Variants in NTRK2 observed in about 807,000 individuals in gnomAD.
NTRK2 encodes the protein BDNF/NT-3 growth factors receptor.
In NTRK2, 13 loss-of-function variants were observed where a neutral mutation model predicts 94.5. That is an observed-to-expected ratio of 0.14 (90% CI 0.09 to 0.22). The LOEUF (loss-of-function observed/expected upper bound fraction) is 0.22, where lower values mean the gene tolerates loss of function less well. NTRK2 is among the 10% of genes least tolerant of loss of function. NTRK2 has a pLI of 1.00. For missense variants in NTRK2, 639 were observed against 1,071.2 expected, an observed-to-expected ratio of 0.60 and a Z score of 5.63; for synonymous variants, 372 against 407.4, an observed-to-expected ratio of 0.91 and a Z score of 1.05.
intron 12 of NTRK2, among the ~76,000 whole-genome samples, chr9:84,766,973 C>T (rs1249731408): frequency 6.6e-6 from 1 of 152,102 alleles, no homozygotes; most frequent in African/African-American, 2.4e-5. Flanking sequence ...CTGCGGTTCC[C>T]CTGGGTCATA....
intron 12 of NTRK2, among the ~76,000 whole-genome samples, chr9:84,800,577 A>G (rs1027806394): frequency 6.6e-6 from 1 of 152,224 alleles, no homozygotes; most frequent in African/African-American, 2.4e-5. Context: ...ACAATAAAGG[A>G]TAGAGGCAAA....
intron 2 of NTRK2, among the ~76,000 whole-genome samples, chr9:84,689,120 C>T (rs902184666): frequency 2.0e-5 from 3 of 152,198 alleles, no homozygotes; most frequent in East Asian, 1.9e-4. Flanking sequence ...TATATGTGTG[C>T]GCATGTGTGG....
At chr9:84,811,968 A>G in intron 12 of NTRK2, 1 of 993,150 alleles carries the variant, frequency 1.0e-6, no homozygotes. Context: ...CCAGGCCTGC[A>G]GCATTTTGTT....
chr9:84,833,133 G>T (rs2131694380), intron 12 of NTRK2, among the ~76,000 whole-genome samples: 1 of 144,208 alleles, frequency 6.9e-6, no homozygotes, highest in African/African-American at 2.5e-5. Flanking sequence ...GGTAGGGAGG[G>T]CAAGAGACTG....
intron 12 of NTRK2, among the ~76,000 whole-genome samples, chr9:84,843,012 C>T (rs2131806929): frequency 6.6e-6 from 1 of 152,290 alleles, no homozygotes; most frequent in Middle Eastern, 3.4e-3. Context: ...ATTCACTTTG[C>T]TTCATTTGCT....
chr9:84,766,412 G>A (rs1483771234), intron 12 of NTRK2, among the ~76,000 whole-genome samples: 2 of 152,128 alleles, frequency 1.3e-5, no homozygotes, highest in Non-Finnish European at 2.9e-5. Context: ...TATTCAGAGT[G>A]AGGAGTACTT....
chr9:84,873,952 C>A (rs2075968845), intron 14 of NTRK2: 1 of 1,063,034 alleles, frequency 9.4e-7, no homozygotes, highest in African/African-American at 1.6e-5. Context: ...CATCGGCCAA[C>A]CAAGATGGAG....
intron 17 of NTRK2, among the ~76,000 whole-genome samples, chr9:85,018,308 A>G (rs1274452959): frequency 6.6e-6 from 1 of 152,236 alleles, no homozygotes; most frequent in Non-Finnish European, 1.5e-5. Flanking sequence ...ATGGCTTCAG[A>G]GAATGGCAAG....
At chr9:84,740,201 C>G (rs1379128278) in intron 9 of NTRK2, among the ~76,000 whole-genome samples, 10 of 152,176 alleles carry the variant, frequency 6.6e-5, no homozygotes, top group Non-Finnish European at 1.5e-4. Context: ...GAAAGGACTT[C>G]AGAGGACAAC....
chr9:84,733,794 C>T (rs2063059931), intron 9 of NTRK2, among the ~76,000 whole-genome samples: 1 of 152,176 alleles, frequency 6.6e-6, no homozygotes, highest in Non-Finnish European at 1.5e-5. Flanking sequence ...GACAAAGACA[C>T]CTCTTTAAAT....
chr9:84,961,637 A>G (rs901883291), intron 17 of NTRK2, among the ~76,000 whole-genome samples: 5 of 152,342 alleles, frequency 3.3e-5, no homozygotes, highest in African/African-American at 1.2e-4. Flanking sequence ...GTACATGTTT[A>G]TGAAACAACT....
intron 12 of NTRK2, among the ~76,000 whole-genome samples, chr9:84,785,488 C>T (rs2068031121): frequency 1.3e-5 from 2 of 152,272 alleles, no homozygotes; most frequent in South Asian, 4.2e-4. Context: ...GTAGCCCTTG[C>T]AGTCAAGTGG....
At chr9:84,798,500 G>A (rs1480075049) in intron 12 of NTRK2, among the ~76,000 whole-genome samples, 1 of 152,172 alleles carries the variant, frequency 6.6e-6, no homozygotes, top group African/African-American at 2.4e-5. Flanking sequence ...CAGGGGCCCT[G>A]AGTCTGCCCT....
chr9:84,728,230 C>T (rs1212914219), intron 9 of NTRK2, among the ~76,000 whole-genome samples: 1 of 152,114 alleles, frequency 6.6e-6, no homozygotes, highest in Non-Finnish European at 1.5e-5. Context: ...TGTGAGGCTT[C>T]CTAAGGCCTA....
chr9:84,969,835 A>G (rs993580714), intron 17 of NTRK2, among the ~76,000 whole-genome samples: 2 of 152,240 alleles, frequency 1.3e-5, no homozygotes, highest in Non-Finnish European at 2.9e-5. Context: ...GGATCTGTGC[A>G]TTACAGGTAA....
At chr9:84,810,637 A>C (rs2071673892) in intron 12 of NTRK2, 1 of 1,613,026 alleles carries the variant, frequency 6.2e-7, no homozygotes, top group Non-Finnish European at 8.5e-7. Flanking sequence ...TGATGCTGCC[A>C]TGTAAGCTGG....
At chr9:85,013,850 A>G (rs933106738) in intron 17 of NTRK2, among the ~76,000 whole-genome samples, 3 of 152,168 alleles carry the variant, frequency 2.0e-5, no homozygotes, top group Non-Finnish European at 2.9e-5. Flanking sequence ...TTGGCTTCCA[A>G]ATAAGTTATC....
chr9:84,935,046 T>G lies in NTRK2; in HGVS notation c.1764+754T>G, dbSNP rs77090207. The stretch of plus-strand genomic sequence containing the variant: ...AAGGCTTCAGGTATTTTACATATAT[T>G]TTTCAAAAAATTTTTAACTCACCAA... On this transcript the variant is annotated intron_variant, in intron 15 of 18. Transcript: ENST00000277120. 6.2e-3 allele frequency among the ~76,000 whole-genome samples: 937 copies of G among 152,262 alleles called. 17 individuals carry two copies. The highest frequency in any genetic ancestry group is 0.041 in the East Asian group (212 of 5,182).
intron 12 of NTRK2, among the ~76,000 whole-genome samples, chr9:84,789,119 G>C (rs1316553640): frequency 6.6e-6 from 1 of 152,186 alleles, no homozygotes; most frequent in Non-Finnish European, 1.5e-5. Context: ...GAACAGCTAG[G>C]TTCTGATTTG....
Sources: allele counts gnomAD v4.1 joint callset (sites outside exome capture counted in the v4.1 genomes callset), GRCh38; gene constraint gnomAD v4.1.1; transcripts MANE v1.5; gene names NCBI Gene and HGNC (gene_info 2026-07-23, HGNC 2026-07-21).